CARM1: variants seen among roughly 807,000 people sequenced by gnomAD.
CARM1 encodes the protein histone-arginine methyltransferase CARM1.
Under a neutral mutation model 72.7 loss-of-function variants are expected in CARM1, and 14 were observed. That is an observed-to-expected ratio of 0.19 (90% CI 0.13 to 0.30). CARM1 has a LOEUF of 0.30. Ranked by LOEUF, CARM1 falls within the 10% of genes least tolerant of loss-of-function variation. The pLI is 1.00. For synonymous variants in CARM1, 333 were observed against 345.5 expected (o/e 0.96, Z 0.40); for missense variants, 432 against 833.7 (o/e 0.52, Z 5.93).
chr19:10,913,494 C>T (rs2074170231), intron 5 of CARM1, among the ~76,000 whole-genome samples: 2 of 151,436 alleles, frequency 1.3e-5, no homozygotes, highest in Admixed American at 6.6e-5. Flanking sequence ...GCCGAGATGG[C>T]GCCACTACCA....
At chr19:10,889,700 T>C (rs2073967391) in intron 1 of CARM1, among the ~76,000 whole-genome samples, 1 of 152,114 alleles carries the variant, frequency 6.6e-6, no homozygotes, top group Admixed American at 6.5e-5. Context: ...ACTTTGACTT[T>C]GTGAGTTGCC....
intron 1 of CARM1, among the ~76,000 whole-genome samples, chr19:10,883,750 G>T (rs927687347): frequency 3.3e-5 from 5 of 152,154 alleles, no homozygotes; most frequent in Non-Finnish European, 7.4e-5. Flanking sequence ...GGGAGTGGTG[G>T]CTCACGCCTG....
intron 1 of CARM1, among the ~76,000 whole-genome samples, chr19:10,893,539 C>T (rs549808823): frequency 2.4e-3 from 369 of 151,988 alleles, no homozygotes; most frequent in Non-Finnish European, 4.2e-3. Context: ...AGGTTTTCAC[C>T]GTGTTAGCCA....
At chr19:10,893,952 A>G (rs554006158) in intron 1 of CARM1, among the ~76,000 whole-genome samples, 16 of 152,134 alleles carry the variant, frequency 1.1e-4, no homozygotes, top group Non-Finnish European at 2.1e-4. Flanking sequence ...CCTTTCAGCC[A>G]TCTCCCTGCT....
At chr19:10,890,269 G>GT (rs200303370) in intron 1 of CARM1, among the ~76,000 whole-genome samples, 2,829 of 136,108 alleles carry the variant, frequency 0.021, 35 homozygotes, top group Middle Eastern at 0.076. Flanking sequence ...TGTTTTGTTT[G>GT]TTTTTTTTTT....
chr19:10,894,369 T>G (rs2074009001), intron 1 of CARM1, among the ~76,000 whole-genome samples: 1 of 151,176 alleles, frequency 6.6e-6, no homozygotes, highest in South Asian at 2.1e-4. Flanking sequence ...AGAAAGCGTG[T>G]TTTTTTTTCC....
chr19:10,916,729 G>A lies in CARM1; in HGVS notation c.972G>A (p.Ser324=), dbSNP rs147624173. 1.4e-5 allele frequency: 22 copies of A among 1,556,124 alleles called. No individual in the cohort carries two copies. Among genetic ancestry groups the A allele is most frequent in the East Asian group, 2.4e-5 (1 of 41,618 alleles). ...YQPSFHGVDL[S]ALRGAAVDEY... is the part of the protein sequence containing the mutation. ...CATCTTTCCATGGAGTGGACCTGTC[G>A]GCCCTCCGAGGTGCCGCGGTGGATG... The change falls in exon 8 of 16, where the codon TCG becomes TCA. Residue 324 remains serine, a synonymous_variant. Transcript: ENST00000327064. This position sits in a 1 kb window ranked among gnomAD's most constrained non-coding sequence, Gnocchi z 4.4.
rs1175671170 is a variant in CARM1 at position 10,916,620 on chromosome 19, G to A, written c.939-76G>A. 12 of 1,414,280 alleles carry A rather than the reference G, an allele frequency of 8.5e-6. No homozygotes were observed. In the Admixed American group the frequency reaches 1.4e-4, roughly 16 times the overall value. The allele number at this position is 1,414,280 out of a possible 1,614,324, so 87.6% of individuals were successfully genotyped here. A position where few individuals can be genotyped will look rare whatever the true frequency, so the allele number is the denominator to read the frequency against. On this transcript the variant is annotated intron_variant, in intron 7 of 15. Transcript: ENST00000327064. This position sits in a 1 kb window ranked among gnomAD's most constrained non-coding sequence, Gnocchi z 4.4. ...GACTTGGGCTAGATGAGGGCTGACTGGGAGAGAAGGCAGGGCTACCCCACC... is the reference window on the plus strand; with the variant it reads ...GACTTGGGCTAGATGAGGGCTGACTAGGAGAGAAGGCAGGGCTACCCCACC...
chr19:10,906,707 C>T (rs193131287), intron 2 of CARM1, among the ~76,000 whole-genome samples: 162 of 152,060 alleles, frequency 1.1e-3, no homozygotes, highest in African/African-American at 3.5e-3. Context: ...TCAGGTAATC[C>T]GCCTGCCTCC....
rs1262808503 is a variant in CARM1 at position 10,915,370 on chromosome 19, G to A, written c.848-1037G>A. On this transcript the variant is annotated intron_variant, in intron 6 of 15. Coordinates refer to ENST00000327064, the MANE Select transcript of CARM1 (RefSeq NM_199141.2). The surrounding 1 kb of genome is among the most constrained non-coding windows in gnomAD (Gnocchi z 4.6). Reference sequence around the variant, plus strand: ...TCTGTGGGCAGCTGCATGTGCCCCCGACGTCCCAGCAGCCAGCTTGCAGGG... The same window carrying A: ...TCTGTGGGCAGCTGCATGTGCCCCCAACGTCCCAGCAGCCAGCTTGCAGGG... 2.0e-5 allele frequency among the ~76,000 whole-genome samples: 3 copies of A among 152,050 alleles called. No individual in the cohort carries two copies. The highest frequency in any genetic ancestry group is 4.4e-5 in the Non-Finnish European group (3 of 67,994).
rs2074118119 is a variant in CARM1 at position 10,908,107 on chromosome 19, G to C, written c.415G>C (p.Glu139Gln). 6.2e-7 allele frequency: 1 copy of C among 1,614,044 alleles called. No individual in the cohort carries two copies. Reference sequence around the variant, plus strand: ...CACCCTGGAGCGGTCTGTGTTCAGCGAGCGGACGGAGGAGTCTTCTGCCGT... The same window carrying C: ...CACCCTGGAGCGGTCTGTGTTCAGCCAGCGGACGGAGGAGTCTTCTGCCGT... ...GHTLERSVFSERTEESSAVQY... is the reference protein window; with the variant it reads ...GHTLERSVFSQRTEESSAVQY... The change falls in exon 3 of 16, where the codon GAG becomes CAG. Residue 139 changes from glutamate to glutamine, a missense_variant. Glu to Gln is a conservative substitution (Grantham distance 29, BLOSUM62 2). This residue lies in a region of CARM1 where 138 missense variants were observed against 192.3 expected (regional missense o/e 0.72). Transcript: ENST00000327064.
At chr19:10,877,268 A>G (rs931934974) in intron 1 of CARM1, among the ~76,000 whole-genome samples, 14 of 152,140 alleles carry the variant, frequency 9.2e-5, no homozygotes, top group African/African-American at 3.1e-4. Flanking sequence ...CGTGTGGCTA[A>G]TGGATACCGT....
rs575542516 is a variant in CARM1, at chr19:10,904,923, G to A, written c.221-28G>A. On this transcript the variant is annotated intron_variant, in intron 1 of 15. Coordinates refer to ENST00000327064, the MANE Select transcript of CARM1 (RefSeq NM_199141.2). ...AGAAGGCAGCTGACAGGGCTGCACC[G>A]CTCACGCCAGCCTGTCTTCTCTCGT... is the stretch of plus-strand genomic sequence containing the variant. The A allele has an allele frequency of 7.8e-5, 125 of 1,612,138 alleles. 1 individual carries two copies. In the South Asian group the frequency reaches 1.1e-3, roughly 15 times the overall value.
rs1229466317 is a variant in CARM1 at position 10,871,643 on chromosome 19, G to GGCGGCGGCGGCGGCGGCA, written c.-52_-51insGGCGGCGGCAGCGGCGGC. The GGCGGCGGCGGCGGCGGCA allele has an allele frequency of 2.6e-4, 37 of 142,106 alleles. No individual in the cohort carries two copies. The highest frequency in any genetic ancestry group is 1.3e-3 in the African/African-American group (37 of 27,430). 8.8% of individuals were successfully genotyped at this position (142,106 alleles called of 1,614,324 possible). ...CGGCGGCGGCGGCGGCGGCGGCAGC[G>GGCGGCGGCGGCGGCGGCA]GCGGCGGCCTGGGCCCGGGCGCAGC... On this transcript the variant is annotated 5_prime_UTR_variant, in exon 1 of 16. Transcript: ENST00000327064. This position sits in a 1 kb window ranked among gnomAD's most constrained non-coding sequence, Gnocchi z 5.6.
At chr19:10,917,951 A>T (rs2074211737) in intron 8 of CARM1, among the ~76,000 whole-genome samples, 1 of 152,070 alleles carries the variant, frequency 6.6e-6, no homozygotes, top group African/African-American at 2.4e-5. Flanking sequence ...ACCTTAGGTG[A>T]TCCGCCTGCC....
Position 10,917,572 on chromosome 19 carries a change from C to A in CARM1, c.1020+795C>A, listed in dbSNP as rs139947502. ...GGAGACTCTTGGACTATCTTGGATA[C>A]TATCTCTTTAAACACTACGTCTGCC... On this transcript the variant is annotated intron_variant, in intron 8 of 15. Coordinates refer to ENST00000327064, the MANE Select transcript of CARM1 (RefSeq NM_199141.2). 1.8e-3 allele frequency among the ~76,000 whole-genome samples: 268 copies of A among 152,298 alleles called. 2 individuals are homozygous for A. Among genetic ancestry groups the A allele is most frequent in the Middle Eastern group, 6.8e-3 (2 of 294 alleles).
chr19:10,874,368 TTC>T (rs1415123589), intron 1 of CARM1, among the ~76,000 whole-genome samples: 1 of 152,032 alleles, frequency 6.6e-6, no homozygotes, highest in Non-Finnish European at 1.5e-5. Flanking sequence ...TTTGTTTTTT[TTC>T]TTTCTTTTTT....
At chr19:10,918,690 G>A (rs2074217165) in intron 8 of CARM1, among the ~76,000 whole-genome samples, 1 of 152,016 alleles carries the variant, frequency 6.6e-6, no homozygotes, top group Non-Finnish European at 1.5e-5. Context: ...CCTTGAATCC[G>A]AGCTGCCTTG....
chr19:10,899,810 T>G (rs2074051178), intron 1 of CARM1, among the ~76,000 whole-genome samples: 1 of 149,758 alleles, frequency 6.7e-6, no homozygotes, highest in African/African-American at 2.5e-5. Flanking sequence ...AACCTCCACC[T>G]CCCGGGTTCA....
Sources: allele counts gnomAD v4.1 joint callset (sites outside exome capture counted in the v4.1 genomes callset), GRCh38; gene constraint gnomAD v4.1.1; regional missense constraint gnomAD v4.1.1; non-coding constraint Gnocchi (gnomAD v3.1); transcripts MANE v1.5; gene names NCBI Gene and HGNC (gene_info 2026-07-23, HGNC 2026-07-21).